NECAB1: variants seen among roughly 807,000 people sequenced by gnomAD.
The protein encoded by NECAB1 is N-terminal EF-hand calcium binding protein 1, also known as N-terminal EF-hand calcium-binding protein 1.
Under a neutral mutation model 57.5 loss-of-function variants are expected in NECAB1, and 29 were observed. The ratio of observed to expected loss-of-function variants is 0.50; its 90% CI spans 0.38 to 0.69. NECAB1 has a LOEUF of 0.69. Ranked by LOEUF, NECAB1 falls within the 30% of genes least tolerant of loss-of-function variation. The pLI is 0.00. For synonymous variants in NECAB1, 142 were observed against 147.7 expected, an observed-to-expected ratio of 0.96 and a Z score of 0.28; for missense variants, 372 against 413.8, an observed-to-expected ratio of 0.90 and a Z score of 0.88.
intron 3 of NECAB1, among the ~76,000 whole-genome samples, chr8:90,835,283 T>C (rs1466689341): frequency 1.3e-5 from 2 of 152,194 alleles, no homozygotes; most frequent in Non-Finnish European, 1.5e-5. Flanking sequence ...AATCTCATGC[T>C]ATGCCTGACT....
chr8:90,865,822 T>A (rs980998647), intron 3 of NECAB1, among the ~76,000 whole-genome samples: 2 of 152,192 alleles, frequency 1.3e-5, no homozygotes, highest in African/African-American at 4.8e-5. Flanking sequence ...CTGTTCCTGA[T>A]ATCCCTTTGG....
chr8:90,844,576 TA>T (rs1456087605), intron 3 of NECAB1, among the ~76,000 whole-genome samples: 1 of 152,158 alleles, frequency 6.6e-6, no homozygotes, highest in African/African-American at 2.4e-5. Context: ...TCCTTATGTC[TA>T]AACTTCTGTA....
intron 10 of NECAB1, 35 bp from the exon 11 acceptor site, chr8:90,949,772 C>T: frequency 1.6e-6 from 2 of 1,263,680 alleles, no homozygotes; most frequent in Non-Finnish European, 2.3e-6. Flanking sequence ...CTTTAATTTC[C>T]AGTAGCTAAT....
At chr8:90,943,452 T>C (rs1810723835) in intron 10 of NECAB1, among the ~76,000 whole-genome samples, 1 of 152,216 alleles carries the variant, frequency 6.6e-6, no homozygotes, top group South Asian at 2.1e-4. Context: ...ATATGGAATA[T>C]ATATGGTATA....
chr8:90,933,693 A>G (rs1292516340), intron 8 of NECAB1, among the ~76,000 whole-genome samples: 2 of 152,144 alleles, frequency 1.3e-5, no homozygotes, highest in Non-Finnish European at 2.9e-5. Flanking sequence ...TACCTGTACA[A>G]GCAAATACCA....
rs542091651 is a variant in NECAB1 at position 90,836,747 on chromosome 8, A to T, written c.233+11922A>T. ...CCAAAAAATTAGTCATTTGTTCCCT[A>T]ATTATTCATTTATTTATTCAACAAG... On this transcript the variant is annotated intron_variant, in intron 3 of 12. Transcript: ENST00000417640. Among the ~76,000 whole-genome samples, 6 of 152,364 alleles carry T rather than the reference A, an allele frequency of 3.9e-5. No homozygotes were observed. In the South Asian group the frequency reaches 1.2e-3, roughly 32 times the overall value.
chr8:90,875,501 A>AAT (rs1056071991), intron 4 of NECAB1, among the ~76,000 whole-genome samples: 4 of 149,740 alleles, frequency 2.7e-5, no homozygotes, highest in Admixed American at 1.3e-4. Flanking sequence ...AAAAAAAAAA[A>AAT]AAAAAAAAAA....
Position 90,854,394 on chromosome 8 carries a change from T to C in NECAB1, c.234-17734T>C, listed in dbSNP as rs1420646643. 3.9e-5 allele frequency among the ~76,000 whole-genome samples: 6 copies of C among 152,166 alleles called. No individual in the cohort carries two copies. In the East Asian group the frequency reaches 1.2e-3, roughly 29 times the overall value. On this transcript the variant is annotated intron_variant, in intron 3 of 12. Transcript: ENST00000417640. ...GAGCACTGTGATCTGGGTACTCTCA[T>C]TAACAGTTTTAGAACAACATTTTAA... is the stretch of plus-strand genomic sequence containing the variant.
intron 3 of NECAB1, among the ~76,000 whole-genome samples, chr8:90,864,559 C>T (rs941583377): frequency 5.9e-5 from 9 of 152,004 alleles, no homozygotes; most frequent in African/African-American, 1.2e-4. Context: ...CTCAACACAG[C>T]GTAAACAGAA....
At chr8:90,933,851 C>T (rs1810468310) in intron 8 of NECAB1, among the ~76,000 whole-genome samples, 2 of 152,014 alleles carry the variant, frequency 1.3e-5, no homozygotes, top group Admixed American at 1.3e-4. Flanking sequence ...GAAAAATTAA[C>T]ACCAGGGTAT....
rs1385755388 is a variant in NECAB1 at position 90,917,630 on chromosome 8, C to T, written c.494+2C>T. ...TGAGGAGCAAACCCGTCAAGAAAGG[C>T]AATTTACATGTTTTCATCTGATGTC... On this transcript the variant is annotated splice_donor_variant, in intron 6 of 12. Transcript: ENST00000417640. LOFTEE classifies it low-confidence loss of function (GC_TO_GT_DONOR). 1 of 1,605,342 alleles carries T rather than the reference C, an allele frequency of 6.2e-7. No homozygotes were observed. The highest frequency in any genetic ancestry group is 8.5e-7 in the Non-Finnish European group (1 of 1,175,318).
chr8:90,818,011 T>C (rs1812086133), intron 2 of NECAB1, among the ~76,000 whole-genome samples: 3 of 151,888 alleles, frequency 2.0e-5, no homozygotes, highest in South Asian at 4.1e-4. Context: ...TAACTATTTC[T>C]CCTTGGCAGT....
chr8:90,843,514 A>G (rs563288391), intron 3 of NECAB1, among the ~76,000 whole-genome samples: 5 of 152,358 alleles, frequency 3.3e-5, no homozygotes, highest in African/African-American at 1.2e-4. Flanking sequence ...AGCGTGTAGC[A>G]GAGAATGAAT....
chr8:90,909,375 GAA>G, intron 5 of NECAB1, among the ~76,000 whole-genome samples: 1 of 145,190 alleles, frequency 6.9e-6, no homozygotes, highest in African/African-American at 2.5e-5. Context: ...AGGCCTCTAC[GAA>G]AAAAAAAAAA....
chr8:90,955,872 A>T lies in NECAB1; in HGVS notation c.*360A>T, dbSNP rs1811022159. ...GAAAAAATAAAGTGGAAACTTTTAG[A>T]GTATTACTTCATAGGGCAGATTTTG... is the stretch of plus-strand genomic sequence containing the variant. On this transcript the variant is annotated 3_prime_UTR_variant, in exon 13 of 13. Coordinates refer to ENST00000417640, the MANE Select transcript of NECAB1 (RefSeq NM_022351.5). 5.4e-6 allele frequency: 1 copy of T among 184,682 alleles called. No homozygotes were observed. The highest frequency in any genetic ancestry group is 1.4e-4 in the South Asian group (1 of 7,034). 11.4% of individuals were successfully genotyped at this position (184,682 alleles called of 1,614,324 possible). A position where few individuals can be genotyped will look rare whatever the true frequency, so the allele number is the denominator to read the frequency against.
At chr8:90,858,184 T>C (rs1386596498) in intron 3 of NECAB1, among the ~76,000 whole-genome samples, 2 of 152,188 alleles carry the variant, frequency 1.3e-5, no homozygotes, top group East Asian at 3.8e-4. Flanking sequence ...GTAGCAATAA[T>C]TGAAGTCCCA....
At chr8:90,821,635 T>C (rs542124850) in intron 2 of NECAB1, among the ~76,000 whole-genome samples, 4 of 151,962 alleles carry the variant, frequency 2.6e-5, no homozygotes, top group African/African-American at 9.6e-5. Flanking sequence ...TGCCACTTCT[T>C]CTGGGAAACC....
intron 1 of NECAB1, among the ~76,000 whole-genome samples, chr8:90,794,521 A>T (rs1811629180): frequency 6.6e-6 from 1 of 152,206 alleles, no homozygotes; most frequent in Admixed American, 6.5e-5. Context: ...ATAATCAATC[A>T]TTTAAGAAAT....
chr8:90,888,083 A>C (rs1490835417), intron 5 of NECAB1, among the ~76,000 whole-genome samples: 3 of 152,134 alleles, frequency 2.0e-5, no homozygotes, highest in Non-Finnish European at 4.4e-5. Flanking sequence ...AATAAGGTAT[A>C]GTGATAAATT....
Sources: gnomAD v4.1 joint callset for allele counts (sites outside exome capture counted in the v4.1 genomes callset) on GRCh38, gnomAD v4.1.1 for gene constraint, MANE v1.5 for transcripts, NCBI Gene and HGNC (gene_info 2026-07-23, HGNC 2026-07-21) for gene names.